HFM1: variants seen among roughly 807,000 people sequenced by gnomAD.
The protein encoded by HFM1 is helicase for meiosis 1.
A neutral mutation model predicts 192.1 loss-of-function variants in HFM1; 169 were observed. The ratio of observed to expected loss-of-function variants is 0.88; its 90% confidence interval spans 0.78 to 1.00. The LOEUF is 1.00. Ranked by LOEUF, HFM1 falls within the 50% of genes least tolerant of loss-of-function variation. The probability of loss-of-function intolerance (pLI) is 0.00; values close to 1 mark genes in which losing one functional copy is unlikely to be tolerated. For missense variants in HFM1, 1,661 were observed against 1,668.0 expected (o/e 1.00, Z 0.07); for synonymous variants, 525 against 537.8 (o/e 0.98, Z 0.33).
chr1:91,376,255 G>T (rs962148418), intron 11 of HFM1, among the ~76,000 whole-genome samples: 2 of 151,948 alleles, frequency 1.3e-5, no homozygotes, highest in Non-Finnish European at 2.9e-5. Flanking sequence ...CTGGAACTGT[G>T]GTAAGCAATC....
At chr1:91,295,939 C>CT (rs1238456766) in intron 30 of HFM1, among the ~76,000 whole-genome samples, 47 of 151,224 alleles carry the variant, frequency 3.1e-4, no homozygotes, top group South Asian at 6.3e-4. Context: ...TTTTTTCTTT[C>CT]TTTTTTTTTG....
Position 91,322,986 on chromosome 1 carries a change from T to C in HFM1, c.2546A>G (p.Glu849Gly). 1 of 1,377,882 alleles carries C rather than the reference T, an allele frequency of 7.3e-7. No individual in the cohort carries two copies. Among genetic ancestry groups the C allele is most frequent in the Non-Finnish European group, 9.8e-7 (1 of 1,024,990 alleles). The allele number at this position is 1,377,882 out of a possible 1,614,324, so 85.4% of individuals were successfully genotyped here. A position where few individuals can be genotyped will look rare whatever the true frequency, so the allele number is the denominator to read the frequency against. ...CATTTCTCTTGTTTTAATTCTTCCT[T>C]CCATTGGAAATCTGTAAATAAAACC... ...PNRITIRFPM[E>G]GRIKTREMKV... is the part of the protein sequence containing the mutation. Residue 849 changes from glutamate to glycine, a missense_variant, in exon 23 of 39, where the codon GAA becomes GGA. Physicochemically the swap from Glu to Gly is moderately conservative, Grantham distance 98 (BLOSUM62 -2). Coordinates refer to ENST00000370425, the MANE Select transcript of HFM1 (RefSeq NM_001017975.6).
chr1:91,289,206 C>T (rs12077563), intron 30 of HFM1, among the ~76,000 whole-genome samples: 29,783 of 151,050 alleles, frequency 0.2, 3,384 homozygotes, highest in Non-Finnish European at 0.26. Context: ...GGCAGAGACA[C>T]TCCTCAGTTC....
rs1651171599 is a variant in HFM1, at chr1:91,316,109, C to T, written c.2974G>A (p.Val992Met). The change falls in exon 27 of 39, where the codon GTG becomes ATG. Residue 992 changes from valine to methionine, a missense_variant. Physicochemically the swap from Val to Met is conservative, Grantham distance 21 (BLOSUM62 1). Transcript: ENST00000370425. ...AAACAGAAAATATTTACCTGTTCCA[C>T]TTTAAGTTCATATTTTGGTAGATAC... ...VMYLPKYELK[V>M]EQITRYSDTT... 3 of 1,579,376 alleles carry T rather than the reference C, an allele frequency of 1.9e-6. No homozygotes were observed. The highest frequency in any genetic ancestry group is 2.3e-5 in the South Asian group (2 of 88,184).
At chr1:91,325,736 A>G (rs1652802462) in intron 20 of HFM1, among the ~76,000 whole-genome samples, 2 of 152,168 alleles carry the variant, frequency 1.3e-5, no homozygotes, top group Admixed American at 1.3e-4. Context: ...CCAGGAAAAC[A>G]TGACCTCACC....
intron 30 of HFM1, among the ~76,000 whole-genome samples, chr1:91,282,463 T>A (rs190109102): frequency 6.6e-6 from 1 of 152,322 alleles, no homozygotes; most frequent in East Asian, 1.9e-4. Context: ...ATTTTCTATT[T>A]CCTTATTTTG....
intron 13 of HFM1, among the ~76,000 whole-genome samples, chr1:91,367,720 G>A (rs772943099): frequency 6.6e-6 from 1 of 152,292 alleles, no homozygotes; most frequent in African/African-American, 2.4e-5. Context: ...AAGGAACACA[G>A]CTCCTCACCA....
intron 20 of HFM1, among the ~76,000 whole-genome samples, chr1:91,330,096 G>A (rs1488529172): frequency 6.6e-6 from 1 of 152,136 alleles, no homozygotes; most frequent in Non-Finnish European, 1.5e-5. Context: ...GCAGACACTC[G>A]AACTTGCTAT....
At chr1:91,394,512 G>C in intron 3 of HFM1, 110 bp from the exon 4 acceptor site, 1 of 650,164 alleles carries the variant, frequency 1.5e-6, no homozygotes, top group Non-Finnish European at 2.6e-6. Context: ...AAAGCCAAAA[G>C]CAAAGCACTA....
chr1:91,380,763 T>C lies in HFM1; in HGVS notation c.873+149A>G, dbSNP rs1014193141. The C allele has an allele frequency of 1.1e-5, 6 of 543,484 alleles. No individual in the cohort carries two copies. In the African/African-American group the frequency reaches 1.2e-4, roughly 11 times the overall value. 33.7% of individuals were successfully genotyped at this position (543,484 alleles called of 1,614,324 possible). A position where few individuals can be genotyped will look rare whatever the true frequency, so the allele number is the denominator to read the frequency against. ...CACCTATGAAAATCACATGTATTCA[T>C]TTACCAAATATTTTCTGAGCTCCTA... On this transcript the variant is annotated intron_variant, in intron 7 of 38. Transcript: ENST00000370425.
intron 9 of HFM1, 102 bp downstream of exon 9, chr1:91,378,959 AAT>A (rs1298035040): frequency 1.9e-5 from 12 of 631,308 alleles, no homozygotes; most frequent in East Asian, 3.2e-5. Flanking sequence ...TTGCATTGTA[AAT>A]ATATGTTTCT....
chr1:91,357,094 A>C (rs1657852008), intron 13 of HFM1, among the ~76,000 whole-genome samples: 1 of 152,232 alleles, frequency 6.6e-6, no homozygotes, highest in African/African-American at 2.4e-5. Flanking sequence ...AATACTTCCA[A>C]ACATATTTTG....
At chr1:91,378,697 T>A (rs897803268) in intron 9 of HFM1, among the ~76,000 whole-genome samples, 5 of 152,072 alleles carry the variant, frequency 3.3e-5, no homozygotes, top group African/African-American at 1.2e-4. Context: ...TCAATTGTTT[T>A]TACACTGAAC....
intron 31 of HFM1, 114 bp downstream of exon 31, chr1:91,276,868 T>A: frequency 1.2e-6 from 1 of 802,104 alleles, no homozygotes; most frequent in Non-Finnish European, 2.0e-6. Context: ...AGAAAATTAT[T>A]TGCATTATTA....
At chr1:91,359,415 A>T (rs1451791326) in intron 13 of HFM1, among the ~76,000 whole-genome samples, 1 of 152,200 alleles carries the variant, frequency 6.6e-6, no homozygotes, top group African/African-American at 2.4e-5. Flanking sequence ...AACATAACTG[A>T]TCTGATGGAG....
rs543530197 is a variant in HFM1 at position 91,322,024 on chromosome 1, G to A, written c.2582+926C>T. 7.2e-5 allele frequency among the ~76,000 whole-genome samples: 11 copies of A among 152,236 alleles called. No homozygotes were observed. In the South Asian group the frequency reaches 8.3e-4, roughly 11 times the overall value. Reference sequence around the variant, plus strand: ...AACTTATCTGGGCATCACTTACATCGTTTGTAAAATGAGAGGATTGGGCTA... The same window carrying A: ...AACTTATCTGGGCATCACTTACATCATTTGTAAAATGAGAGGATTGGGCTA... On this transcript the variant is annotated intron_variant, in intron 23 of 38. Transcript: ENST00000370425.
At position 91,387,917 on chromosome 1, in the gene HFM1, T is replaced by TA. The variant is rs573701612; in HGVS notation, c.495-2084dup. ...TGTACCCTAAAACTTAGAGTATAAT[T>TA]AAAAAAAAAAAATTAAAAAAAAAAA... On this transcript the variant is annotated intron_variant, in intron 4 of 38. Coordinates refer to ENST00000370425, the MANE Select transcript of HFM1 (RefSeq NM_001017975.6). 1.3e-3 allele frequency among the ~76,000 whole-genome samples: 125 copies of TA among 97,282 alleles called. 1 individual carries two copies. Among genetic ancestry groups the TA allele is most frequent in the African/African-American group, 3.2e-3 (83 of 26,238 alleles). The allele number at this position is 97,282 out of a possible 152,430, so 63.8% of individuals were successfully genotyped here.
chr1:91,281,044 G>C (rs1373172661), intron 30 of HFM1, among the ~76,000 whole-genome samples: 4 of 152,100 alleles, frequency 2.6e-5, no homozygotes, highest in Admixed American at 2.6e-4. Context: ...AACCGAAGAG[G>C]GGGCACAATC....
chr1:91,309,917 G>A (rs1477802915), intron 30 of HFM1, among the ~76,000 whole-genome samples: 1 of 151,794 alleles, frequency 6.6e-6, no homozygotes, highest in African/African-American at 2.4e-5. Flanking sequence ...TGTGATCTCT[G>A]AAAACTACTA....
Sources: allele counts gnomAD v4.1 joint callset (sites outside exome capture counted in the v4.1 genomes callset), GRCh38; gene constraint gnomAD v4.1.1; transcripts MANE v1.5; gene names NCBI Gene and HGNC (gene_info 2026-07-23, HGNC 2026-07-21).